Variants in CDHR2 observed in about 807,000 individuals in gnomAD.
The protein encoded by CDHR2 is cadherin-related family member 2.
Under a neutral mutation model 138.6 loss-of-function variants are expected in CDHR2, and 104 were observed. The ratio of observed to expected loss-of-function variants is 0.75; its 90% CI spans 0.64 to 0.88. The LOEUF is 0.88. Ranked by LOEUF, CDHR2 falls within the 40% of genes least tolerant of loss-of-function variation. The probability of loss-of-function intolerance (pLI) is 0.00; values close to 1 mark genes in which losing one functional copy is unlikely to be tolerated. For synonymous variants in CDHR2, 755 were observed against 742.8 expected, an observed-to-expected ratio of 1.02 and a Z score of -0.27; for missense variants, 1,624 against 1,727.6, an observed-to-expected ratio of 0.94 and a Z score of 1.06.
intron 1 of CDHR2, among the ~76,000 whole-genome samples, chr5:176,562,871 C>T (rs913802330): frequency 6.6e-6 from 1 of 152,148 alleles, no homozygotes; most frequent in Non-Finnish European, 1.5e-5. Context: ...ATATGATCCA[C>T]GCTCACTTGG....
chr5:176,551,882 T>C (rs78550923), intron 1 of CDHR2, among the ~76,000 whole-genome samples: 1 of 98,482 alleles, frequency 1.0e-5, no homozygotes, highest in Non-Finnish European at 2.3e-5. Flanking sequence ...TTTTTTTTTT[T>C]TTGGGGAACT....
intron 1 of CDHR2, among the ~76,000 whole-genome samples, chr5:176,561,142 C>T (rs556215079): frequency 2.6e-5 from 4 of 152,326 alleles, no homozygotes; most frequent in East Asian, 3.9e-4. Context: ...TATGTACTTA[C>T]TGTGAGCTAG....
chr5:176,544,506 C>T (rs1326513565), upstream of CDHR2, among the ~76,000 whole-genome samples: 6 of 148,774 alleles, frequency 4.0e-5, no homozygotes, highest in Non-Finnish European at 8.9e-5. Flanking sequence ...GTGGCGCGAT[C>T]TCGGTTCACT....
chr5:176,587,852 A>C (rs1470972021), intron 21 of CDHR2, among the ~76,000 whole-genome samples: 1 of 152,216 alleles, frequency 6.6e-6, no homozygotes, highest in Non-Finnish European at 1.5e-5. Context: ...GTTGACGTTC[A>C]TGCTAGAGAC....
At chr5:176,546,012 G>T (rs542263674), upstream of CDHR2, among the ~76,000 whole-genome samples, 2 of 152,266 alleles carry the variant, frequency 1.3e-5, no homozygotes, top group Admixed American at 6.5e-5. Context: ...GGCAGGGAGA[G>T]GGGGCAGGGG....
intron 30 of CDHR2, among the ~76,000 whole-genome samples, chr5:176,592,102 GTGGTGATGGTGA>G (rs1392432926): frequency 3.5e-5 from 4 of 114,090 alleles, no homozygotes; most frequent in South Asian, 2.6e-4. Context: ...GGTGATGGTG[GTGGTGATGGTGA>G]TGGTAGTGAT....
At position 176,574,189 on chromosome 5, in the gene CDHR2, C is replaced by T. The variant is rs762521021; in HGVS notation, c.495+17C>T. 4 of 1,583,424 alleles carry T rather than the reference C, an allele frequency of 2.5e-6. No homozygotes were observed. Among genetic ancestry groups the T allele is most frequent in the Non-Finnish European group, 3.5e-6 (4 of 1,152,436 alleles). ...ATAGAGAAGGTGAGTGTGAAGGGGG[C>T]CCTGACCGCCTTTGTGACCGCCAGG... On this transcript the variant is annotated intron_variant, in intron 7 of 31. Transcript: ENST00000261944.
At chr5:176,588,741 A>G (rs1758756274) in intron 21 of CDHR2, among the ~76,000 whole-genome samples, 1 of 138,684 alleles carries the variant, frequency 7.2e-6, no homozygotes, top group Admixed American at 7.3e-5. Context: ...GAGAGAGAGT[A>G]TGGCAGTGGA....
chr5:176,582,176 A>G (rs1325273418), intron 17 of CDHR2, among the ~76,000 whole-genome samples: 2 of 152,040 alleles, frequency 1.3e-5, no homozygotes, highest in African/African-American at 2.4e-5. Context: ...ATATGCCACC[A>G]TGCCTGGTTA....
At position 176,577,712 on chromosome 5, in the gene CDHR2, C is replaced by T; in HGVS notation, c.1426C>T (p.His476Tyr). ...VTIHLRDIND[H>Y]RPTFPQSLYV... ...CATCCACCTTAGAGACATTAATGAC[C>T]ACAGGCCCACGTTTCCCCAGAGCTT... Residue 476 changes from histidine to tyrosine, a missense_variant, in exon 14 of 32, where the codon CAC becomes TAC. His to Tyr is a moderately conservative substitution (Grantham distance 83). This residue lies in a region of CDHR2 where 1,061 missense variants were observed against 1,136.6 expected (regional missense o/e 0.93). Transcript: ENST00000261944. 1 of 1,614,222 alleles carries T rather than the reference C, an allele frequency of 6.2e-7. No individual in the cohort carries two copies. Among genetic ancestry groups the T allele is most frequent in the Non-Finnish European group, 8.5e-7 (1 of 1,180,038 alleles).
chr5:176,552,051 C>T (rs1257055034), intron 1 of CDHR2, among the ~76,000 whole-genome samples: 1 of 152,148 alleles, frequency 6.6e-6, no homozygotes, highest in Non-Finnish European at 1.5e-5. Context: ...AGAAAAGAGC[C>T]CAGGGGTACG....
At chr5:176,578,334 T>C in intron 15 of CDHR2, 31 bp from the exon 16 acceptor site, 2 of 1,591,404 alleles carry the variant, frequency 1.3e-6, no homozygotes, top group South Asian at 1.1e-5. Flanking sequence ...ATCCTGTGTC[T>C]CTATTTGCTG....
chr5:176,579,418 G>A (rs954936008), intron 16 of CDHR2, among the ~76,000 whole-genome samples: 1 of 152,198 alleles, frequency 6.6e-6, no homozygotes, highest in Non-Finnish European at 1.5e-5. Context: ...GTAAATGATG[G>A]CGCTGGGGCT....
In CDHR2 at chr5:176,589,397, C is replaced by A. The variant is rs1417574886; in HGVS notation, c.3076C>A (p.Pro1026Thr). 3.2e-6 allele frequency: 5 copies of A among 1,574,738 alleles called. No homozygotes were observed. In the South Asian group the frequency reaches 6.0e-5, roughly 19 times the overall value. ...YQVTVQARDR[P>T]SLGPFLEATT... ...AGTGACAGTCCAGGCCAGGGACAGA[C>A]CTTCCTTGGGTCCTTTCCTGGAAGC... The change falls in exon 23 of 32, where the codon CCT (proline) becomes ACT (threonine). Residue 1026 changes from proline (P) to threonine (T), a missense_variant. Transcript: ENST00000261944.
intron 1 of CDHR2, among the ~76,000 whole-genome samples, chr5:176,556,440 G>A (rs1757826716): frequency 6.6e-6 from 1 of 152,176 alleles, no homozygotes. Flanking sequence ...GCCGAGGCGG[G>A]CGGATCACAA....
At chr5:176,586,129 G>C (rs530960914) in intron 20 of CDHR2, 104 bp downstream of exon 20, 10 of 837,402 alleles carry the variant, frequency 1.2e-5, no homozygotes, top group East Asian at 4.9e-5. Context: ...CTTTAGAAAG[G>C]GGGGAAGGCC....
Position 176,553,710 on chromosome 5 carries a change from TCCA to T in CDHR2, c.-16+4299_-16+4301del, listed in dbSNP as rs1757760489. Among the ~76,000 whole-genome samples, 1 of 151,898 alleles carries T rather than the reference TCCA, an allele frequency of 6.6e-6. No individual in the cohort carries two copies. Among genetic ancestry groups the T allele is most frequent in the African/African-American group, 2.4e-5 (1 of 41,330 alleles). On this transcript the variant is annotated intron_variant, in intron 1 of 31. Transcript: ENST00000261944. The surrounding 1 kb of genome is among the most constrained non-coding windows in gnomAD (Gnocchi z 4.3). ...CGCTAATGCCCAGCTCACCTGCGTC[TCCA>T]CCGCCAGCCCCGCCACCACCACCAT... is the stretch of plus-strand genomic sequence containing the variant.
intron 1 of CDHR2, among the ~76,000 whole-genome samples, chr5:176,559,658 GT>G (rs2113267742): frequency 6.6e-6 from 1 of 152,004 alleles, no homozygotes; most frequent in East Asian, 1.9e-4. Flanking sequence ...TTCTCTCCTA[GT>G]TTCCATTTCT....
Position 176,549,761 on chromosome 5 carries a change from C to T in CDHR2, c.-16+347C>T, listed in dbSNP as rs73341067. On this transcript the variant is annotated intron_variant, in intron 1 of 31. Coordinates refer to ENST00000261944, the MANE Select transcript of CDHR2 (RefSeq NM_017675.6). ...TCATAGGATGCTCAGGGGTTGAGGACGGGGAAGCTGACCTGGGCTCTTACC... is the reference window on the plus strand; with the variant it reads ...TCATAGGATGCTCAGGGGTTGAGGATGGGGAAGCTGACCTGGGCTCTTACC... Among the ~76,000 whole-genome samples the T allele has an allele frequency of 4.3e-3, 659 of 152,246 alleles. 1 individual carries two copies. The highest frequency in any genetic ancestry group is 0.015 in the African/African-American group (624 of 41,554).
Sources: gnomAD v4.1 joint callset for allele counts (sites outside exome capture counted in the v4.1 genomes callset) on GRCh38, gnomAD v4.1.1 for gene constraint, gnomAD v4.1.1 regional missense constraint, Gnocchi (gnomAD v3.1) non-coding constraint, MANE v1.5 for transcripts, NCBI Gene and HGNC (gene_info 2026-07-23, HGNC 2026-07-21) for gene names.